The following PRKCE variants were observed in gnomAD, a reference collection of about 807,000 sequenced individuals.
PRKCE encodes protein kinase C epsilon type.
Under a neutral mutation model 85.4 loss-of-function variants are expected in PRKCE, and 16 were observed. The observed-to-expected ratio is 0.19, with a 90% CI of 0.13 to 0.28. The LOEUF is 0.28. PRKCE is among the 10% of genes least tolerant of loss of function. PRKCE has a pLI of 1.00. For synonymous variants in PRKCE, 388 were observed against 371.5 expected, an observed-to-expected ratio of 1.04 and a Z score of -0.51; for missense variants, 573 against 975.2, an observed-to-expected ratio of 0.59 and a Z score of 5.49.
intron 1 of PRKCE, among the ~76,000 whole-genome samples, chr2:45,758,562 T>G (rs923926850): frequency 6.6e-6 from 1 of 152,208 alleles, no homozygotes; most frequent in African/African-American, 2.4e-5. Context: ...TATTTTGATC[T>G]GTGCCCAAAT....
intron 2 of PRKCE, among the ~76,000 whole-genome samples, chr2:45,908,500 G>T (rs77345828): frequency 0.065 from 9,893 of 152,234 alleles, 585 homozygotes; most frequent in East Asian, 0.28. Context: ...GTGTTAGGAT[G>T]CAGATTCTGA....
intron 2 of PRKCE, among the ~76,000 whole-genome samples, chr2:45,941,065 T>TAAAA (rs397781944): frequency 4.0e-4 from 27 of 67,146 alleles, no homozygotes; most frequent in East Asian, 2.3e-3. Flanking sequence ...GACTTCATCC[T>TAAAA]AAAAAAAAAA....
intron 14 of PRKCE, among the ~76,000 whole-genome samples, chr2:46,170,594 C>T (rs973825005): frequency 6.6e-6 from 1 of 152,120 alleles, no homozygotes; most frequent in Non-Finnish European, 1.5e-5. Flanking sequence ...AAATGAATTC[C>T]CCAGATATAC....
At chr2:45,898,213 G>A (rs1315366420) in intron 2 of PRKCE, among the ~76,000 whole-genome samples, 1 of 152,180 alleles carries the variant, frequency 6.6e-6, no homozygotes, top group African/African-American at 2.4e-5. Context: ...TTAGAGGCGA[G>A]TTATTAAGTC....
chr2:45,652,277 G>A lies in PRKCE; in HGVS notation c.177G>A (p.Lys59=). 6.2e-7 allele frequency: 1 copy of A among 1,613,332 alleles called. No homozygotes were observed. The highest frequency in any genetic ancestry group is 8.5e-7 in the Non-Finnish European group (1 of 1,179,994). Residue 59 remains lysine (K), a synonymous_variant, in exon 1 of 15, where the codon AAG becomes AAA. Transcript: ENST00000306156. The surrounding 1 kb of genome is among the most constrained non-coding windows in gnomAD (Gnocchi z 7.7). ...SRIGQTATKQ[K]TNSPAWHDEF... Reference sequence around the variant, plus strand: ...TCGGCCAAACGGCCACCAAGCAGAAGACCAACAGCCCGGCCTGGCACGACG... The same window carrying A: ...TCGGCCAAACGGCCACCAAGCAGAAAACCAACAGCCCGGCCTGGCACGACG...
At chr2:45,974,961 T>C (rs1053446571) in intron 2 of PRKCE, among the ~76,000 whole-genome samples, 2 of 152,110 alleles carry the variant, frequency 1.3e-5, no homozygotes, top group African/African-American at 4.8e-5. Flanking sequence ...AGCTGGACTC[T>C]TTGGTGATGA....
intron 1 of PRKCE, among the ~76,000 whole-genome samples, chr2:45,835,179 C>A (rs184364125): frequency 3.9e-4 from 59 of 152,326 alleles, no homozygotes; most frequent in East Asian, 2.5e-3. Context: ...ATTTTAAATG[C>A]TCCGAGGGTG....
At chr2:45,948,860 T>C (rs549322462) in intron 2 of PRKCE, among the ~76,000 whole-genome samples, 2 of 152,390 alleles carry the variant, frequency 1.3e-5, no homozygotes, top group South Asian at 4.1e-4. Context: ...AATGGTATAC[T>C]GTACACATTG....
At chr2:46,026,624 G>C (rs1012716111) in intron 10 of PRKCE, among the ~76,000 whole-genome samples, 1 of 152,138 alleles carries the variant, frequency 6.6e-6, no homozygotes, top group Non-Finnish European at 1.5e-5. Flanking sequence ...TGAATTGGTC[G>C]ATTTGCTGTG....
chr2:45,765,047 C>T (rs1454815779), intron 1 of PRKCE, among the ~76,000 whole-genome samples: 1 of 152,116 alleles, frequency 6.6e-6, no homozygotes, highest in Non-Finnish European at 1.5e-5. Flanking sequence ...TGGTACAGTC[C>T]AAAATGCCAG....
chr2:46,003,456 A>G (rs1040902099), intron 7 of PRKCE, among the ~76,000 whole-genome samples: 1 of 152,248 alleles, frequency 6.6e-6, no homozygotes, highest in African/African-American at 2.4e-5. Flanking sequence ...AACAAATATC[A>G]ATATATCTGA....
chr2:45,962,999 A>G (rs1387864609), intron 2 of PRKCE, among the ~76,000 whole-genome samples: 3 of 152,236 alleles, frequency 2.0e-5, no homozygotes, highest in East Asian at 3.8e-4. Context: ...AGGAAAAGAT[A>G]TAAGTTCCAC....
chr2:45,744,443 TTCTTTCTTTC>T (rs1257830722), intron 1 of PRKCE, among the ~76,000 whole-genome samples: 3 of 52,502 alleles, frequency 5.7e-5, no homozygotes, highest in African/African-American at 9.4e-5. Context: ...CTTTCTTTCT[TTCTTTCTTTC>T]TTTCTTTCTT....
intron 2 of PRKCE, among the ~76,000 whole-genome samples, chr2:45,857,058 A>G (rs1439459484): frequency 6.6e-6 from 1 of 152,138 alleles, no homozygotes; most frequent in Non-Finnish European, 1.5e-5. Context: ...TTTCTTTTGG[A>G]TATATACCCA....
intron 2 of PRKCE, among the ~76,000 whole-genome samples, 157 bp downstream of exon 2, chr2:45,843,220 G>A (rs1035526399): frequency 6.6e-6 from 1 of 152,220 alleles, no homozygotes; most frequent in African/African-American, 2.4e-5. Context: ...TTACGCCTGT[G>A]TACCAAAAGG....
intron 4 of PRKCE, among the ~76,000 whole-genome samples, chr2:45,979,925 G>C (rs1702751405): frequency 1.3e-5 from 2 of 152,184 alleles, no homozygotes; most frequent in Admixed American, 6.5e-5. Context: ...ATGGTCCCGA[G>C]TGGGGTGCGA....
chr2:46,151,506 C>A (rs1391822164), intron 13 of PRKCE, among the ~76,000 whole-genome samples: 1 of 152,216 alleles, frequency 6.6e-6, no homozygotes, highest in Non-Finnish European at 1.5e-5. Flanking sequence ...GTCTGTGCTT[C>A]CTGAGATGAG....
chr2:45,785,979 T>G (rs1686571512), intron 1 of PRKCE, among the ~76,000 whole-genome samples: 1 of 152,056 alleles, frequency 6.6e-6, no homozygotes, highest in Non-Finnish European at 1.5e-5. Flanking sequence ...ACCCAGAACC[T>G]TCCTAGGGTT....
chr2:46,122,809 G>A lies in PRKCE; in HGVS notation c.1593-22284G>A, dbSNP rs373729200. Reference sequence around the variant, plus strand: ...CTGAGGCTTCAAGTTTTAACATGAAGCAAAAAGGTCCAATGGTCAGGAAGT... The same window carrying A: ...CTGAGGCTTCAAGTTTTAACATGAAACAAAAAGGTCCAATGGTCAGGAAGT... On this transcript the variant is annotated intron_variant, in intron 11 of 14. Transcript: ENST00000306156. 3.3e-5 allele frequency among the ~76,000 whole-genome samples: 5 copies of A among 150,524 alleles called. No individual in the cohort carries two copies. In the South Asian group the frequency reaches 1.0e-3, roughly 31 times the overall value.
Sources: gnomAD v4.1 joint callset for allele counts (sites outside exome capture counted in the v4.1 genomes callset) on GRCh38, gnomAD v4.1.1 for gene constraint, Gnocchi (gnomAD v3.1) non-coding constraint, MANE v1.5 for transcripts, NCBI Gene and HGNC (gene_info 2026-07-23, HGNC 2026-07-21) for gene names.